SLCO1B3: variants seen among roughly 807,000 people sequenced by gnomAD.
The protein encoded by SLCO1B3 is liver-specific organic anion transporter 2.
A neutral mutation model predicts 71.8 loss-of-function variants in SLCO1B3; 72 were observed. The ratio of observed to expected loss-of-function variants is 1.00; its 90% confidence interval spans 0.83 to 1.22. The LOEUF (loss-of-function observed/expected upper bound fraction) is 1.22. Among genes scored for constraint, SLCO1B3 ranks in the 50% most tolerant of loss-of-function variants. The pLI, the probability that SLCO1B3 is intolerant of heterozygous loss-of-function variation, is 0.00. For missense variants in SLCO1B3, 911 were observed against 819.7 expected, an observed-to-expected ratio of 1.11 and a Z score of -1.36; for synonymous variants, 298 against 278.4, an observed-to-expected ratio of 1.07 and a Z score of -0.70.
chr12:20,915,494 G>GT (rs1250383093), intron 15 of SLCO1B3, among the ~76,000 whole-genome samples: 4 of 152,144 alleles, frequency 2.6e-5, no homozygotes, highest in Non-Finnish European at 5.9e-5. Flanking sequence ...TTCAGACTGT[G>GT]TTTATTGTCT....
intron 3 of SLCO1B3, among the ~76,000 whole-genome samples, chr12:20,817,156 C>T (rs1263807366): frequency 6.6e-6 from 1 of 152,126 alleles, no homozygotes; most frequent in East Asian, 1.9e-4. Flanking sequence ...TGGGTTGTCT[C>T]TTCACTTTGT....
chr12:20,810,857 A>C (rs1864098796), intron 1 of SLCO1B3, 93 bp downstream of exon 1: 1 of 152,154 alleles, frequency 6.6e-6, no homozygotes, highest in African/African-American at 2.4e-5. Context: ...AGTTATGATA[A>C]ATATTACAGA....
At chr12:20,819,857 A>G (rs2121084185) in intron 3 of SLCO1B3, among the ~76,000 whole-genome samples, 1 of 152,156 alleles carries the variant, frequency 6.6e-6, no homozygotes, top group African/African-American at 2.4e-5. Flanking sequence ...CTTGTGGGTT[A>G]AGGTGGGGGA....
intron 12 of SLCO1B3, among the ~76,000 whole-genome samples, chr12:20,882,218 T>TG (rs1160887174): frequency 6.6e-6 from 1 of 152,156 alleles, no homozygotes; most frequent in Non-Finnish European, 1.5e-5. Flanking sequence ...CTATGCTATG[T>TG]GGGGGCTACT....
intron 8 of SLCO1B3, among the ~76,000 whole-genome samples, chr12:20,863,540 C>T (rs989463246): frequency 2.6e-5 from 4 of 152,074 alleles, no homozygotes; most frequent in African/African-American, 7.2e-5. Flanking sequence ...CTTTTTTTAA[C>T]CCATACTTAT....
chr12:20,824,756 AC>A (rs1260533981), intron 3 of SLCO1B3, among the ~76,000 whole-genome samples: 2 of 152,180 alleles, frequency 1.3e-5, no homozygotes, highest in African/African-American at 4.8e-5. Context: ...ACTTTACTAT[AC>A]CAAATAAGTC....
chr12:20,913,336 A>G (rs377439465), intron 15 of SLCO1B3, among the ~76,000 whole-genome samples: 3 of 152,338 alleles, frequency 2.0e-5, no homozygotes, highest in East Asian at 3.9e-4. Flanking sequence ...TGGTTTCATT[A>G]TACAATACAT....
At chr12:20,903,710 G>T (rs568118265) in intron 15 of SLCO1B3, among the ~76,000 whole-genome samples, 2 of 152,138 alleles carry the variant, frequency 1.3e-5, no homozygotes, top group Non-Finnish European at 2.9e-5. Context: ...CTCCCACCAG[G>T]TTCCTTCTCC....
At chr12:20,873,787 T>A (rs1865524095) in intron 8 of SLCO1B3, among the ~76,000 whole-genome samples, 1 of 152,114 alleles carries the variant, frequency 6.6e-6, no homozygotes, top group South Asian at 2.1e-4. Flanking sequence ...CAGGCCCCAG[T>A]GTGTATTGTT....
chr12:20,841,352 A>T (rs1024639262), intron 3 of SLCO1B3, among the ~76,000 whole-genome samples: 2 of 152,112 alleles, frequency 1.3e-5, no homozygotes, highest in South Asian at 2.1e-4. Flanking sequence ...TATTTTTTAA[A>T]ATTGTATTCA....
intron 1 of SLCO1B3, among the ~76,000 whole-genome samples, chr12:20,812,235 G>C (rs998944343): frequency 6.6e-6 from 1 of 152,068 alleles, no homozygotes; most frequent in Non-Finnish European, 1.5e-5. Context: ...CTTTCTGAGA[G>C]ATGAGAAACC....
intron 3 of SLCO1B3, among the ~76,000 whole-genome samples, chr12:20,853,472 C>G (rs1431599910): frequency 6.6e-6 from 1 of 152,010 alleles, no homozygotes; most frequent in East Asian, 1.9e-4. Context: ...TTGTATGTTT[C>G]TAGGAATGTA....
chr12:20,846,487 A>G (rs1430572859), intron 3 of SLCO1B3, among the ~76,000 whole-genome samples: 1 of 152,178 alleles, frequency 6.6e-6, no homozygotes, highest in Non-Finnish European at 1.5e-5. Flanking sequence ...CAACATATAT[A>G]TTTGAAGGAT....
rs372197542 is a variant in SLCO1B3 at position 20,820,833 on chromosome 12, C to T, written c.84+5011C>T. Among the ~76,000 whole-genome samples the T allele has an allele frequency of 9.6e-3, 1,460 of 152,166 alleles. 17 individuals are homozygous for T. The highest frequency in any genetic ancestry group is 0.03 in the South Asian group (146 of 4,824). On this transcript the variant is annotated intron_variant, in intron 3 of 15. Transcript: ENST00000381545. ...TATATTTGATGAAAAAGAGCCTAAA[C>T]GCTTCTGATTTGGGATAAAGAAAAA...
At chr12:20,848,121 CAA>C (rs1864952866) in intron 3 of SLCO1B3, among the ~76,000 whole-genome samples, 1 of 66,760 alleles carries the variant, frequency 1.5e-5, no homozygotes, top group South Asian at 1.1e-3. Flanking sequence ...TCAAAATCTA[CAA>C]AGAACACTAA....
intron 8 of SLCO1B3, among the ~76,000 whole-genome samples, chr12:20,866,958 T>C (rs1389633263): frequency 6.6e-6 from 1 of 152,128 alleles, no homozygotes; most frequent in Non-Finnish European, 1.5e-5. Context: ...GAACAATAAC[T>C]TTTTTTCTGA....
chr12:20,857,970 C>T (rs1865175250), intron 4 of SLCO1B3, among the ~76,000 whole-genome samples: 2 of 152,092 alleles, frequency 1.3e-5, no homozygotes, highest in Admixed American at 1.3e-4. Context: ...GCACATCTAT[C>T]CATCTGTTTT....
At chr12:20,875,755 TTAATA>T (rs547461508) in intron 9 of SLCO1B3, among the ~76,000 whole-genome samples, 184 of 152,278 alleles carry the variant, frequency 1.2e-3, no homozygotes, top group African/African-American at 4.2e-3. Context: ...TATATTCATT[TTAATA>T]TAATATAGTA....
chr12:20,902,784 A>G (rs1246956741), intron 15 of SLCO1B3, among the ~76,000 whole-genome samples: 1 of 152,024 alleles, frequency 6.6e-6, no homozygotes, highest in Admixed American at 6.6e-5. Context: ...ATCTCCAAAA[A>G]CAGGCCGGAT....
Sources: gnomAD v4.1 joint callset for allele counts (sites outside exome capture counted in the v4.1 genomes callset) on GRCh38, gnomAD v4.1.1 for gene constraint, MANE v1.5 for transcripts, NCBI Gene and HGNC (gene_info 2026-07-23, HGNC 2026-07-21) for gene names.